The following MRPL37 variants were observed in gnomAD, a reference collection of about 807,000 sequenced individuals.
The protein encoded by MRPL37 is large ribosomal subunit protein mL37.
Under a neutral mutation model 44.1 loss-of-function variants are expected in MRPL37, and 34 were observed. The observed-to-expected ratio is 0.77, with a 90% confidence interval of 0.59 to 1.03. The LOEUF is 1.03. Ranked by LOEUF, MRPL37 falls within the 50% of genes least tolerant of loss-of-function variation. MRPL37 has a pLI of 0.00. For missense variants in MRPL37, 532 were observed against 543.7 expected, an observed-to-expected ratio of 0.98 and a Z score of 0.21; for synonymous variants, 212 against 219.5, an observed-to-expected ratio of 0.97 and a Z score of 0.30.
intron 4 of MRPL37, 33 bp downstream of exon 4, chr1:54,210,164 G>A (rs761539275): frequency 6.3e-7 from 1 of 1,595,970 alleles, no homozygotes; most frequent in South Asian, 1.1e-5. Flanking sequence ...TTTAGGCAGT[G>A]TGGAGGAGAA....
chr1:54,207,382 G>A (rs1644131904), intron 3 of MRPL37: 1 of 152,200 alleles, frequency 6.6e-6, no homozygotes, highest in Admixed American at 6.5e-5. Flanking sequence ...AGAGAACACA[G>A]GTGTTCTAAC....
At chr1:54,214,818 C>T (rs545407011) in intron 5 of MRPL37, among the ~76,000 whole-genome samples, 1 of 152,348 alleles carries the variant, frequency 6.6e-6, no homozygotes, top group South Asian at 2.1e-4. Context: ...GTACTACCTG[C>T]AGTTTTATTG....
intron 1 of MRPL37, among the ~76,000 whole-genome samples, chr1:54,201,728 G>A (rs1267627321): frequency 1.3e-5 from 2 of 152,172 alleles, no homozygotes; most frequent in African/African-American, 2.4e-5. Context: ...CAAAGTATGT[G>A]AGTTGGAGCA....
intron 4 of MRPL37, among the ~76,000 whole-genome samples, chr1:54,211,209 G>A (rs1644162156): frequency 6.6e-6 from 1 of 151,960 alleles, no homozygotes; most frequent in Admixed American, 6.6e-5. Flanking sequence ...GGGTCCTTCC[G>A]GCTGTCCTCC....
intron 3 of MRPL37, among the ~76,000 whole-genome samples, chr1:54,206,045 G>A (rs1043317635): frequency 6.6e-6 from 1 of 151,886 alleles, no homozygotes; most frequent in Non-Finnish European, 1.5e-5. Context: ...TGCACATGCT[G>A]TGCATTCTGT....
Position 54,200,276 on chromosome 1 carries a change from G to A in MRPL37, c.33G>A (p.Ala11=). 6.2e-7 allele frequency: 1 copy of A among 1,601,542 alleles called. No individual in the cohort carries two copies. The highest frequency in any genetic ancestry group is 2.2e-5 in the East Asian group (1 of 44,670). Residue 11 remains alanine, a synonymous_variant, in exon 1 of 7, where the codon GCG becomes GCA. Coordinates refer to ENST00000360840, the MANE Select transcript of MRPL37 (RefSeq NM_016491.4). Reference sequence around the variant, plus strand: ...TGGCGTCCGGGCCCGCAAGGCGGGCGCTAGCTGGCTCCGGGCAGCTCGGCC... The same window carrying A: ...TGGCGTCCGGGCCCGCAAGGCGGGCACTAGCTGGCTCCGGGCAGCTCGGCC... MALASGPARR[A]LAGSGQLGLG... is the part of the protein sequence containing the mutation.
At chr1:54,206,627 C>G (rs1644124791) in intron 3 of MRPL37, among the ~76,000 whole-genome samples, 2 of 152,112 alleles carry the variant, frequency 1.3e-5, no homozygotes, top group Non-Finnish European at 2.9e-5. Context: ...CCAGGCTGGT[C>G]TCGAACTCCT....
At chr1:54,206,111 T>A (rs1015012154) in intron 3 of MRPL37, among the ~76,000 whole-genome samples, 5 of 148,300 alleles carry the variant, frequency 3.4e-5, no homozygotes, top group African/African-American at 1.3e-4. Flanking sequence ...TATTTATTTA[T>A]TTTATTTATT....
chr1:54,225,232 C>T, downstream of MRPL37: 21 of 1,234,368 alleles, frequency 1.7e-5, no homozygotes, highest in Non-Finnish European at 2.1e-5. Context: ...TACCTTCCCT[C>T]CCAACCCACC....
chr1:54,221,626 A>G (rs534153031), downstream of MRPL37, among the ~76,000 whole-genome samples: 21 of 152,284 alleles, frequency 1.4e-4, no homozygotes, highest in East Asian at 3.1e-3. Flanking sequence ...ACATGCGCGC[A>G]CACATGCATA....
chr1:54,221,419 C>A (rs376368319), downstream of MRPL37, among the ~76,000 whole-genome samples: 10 of 152,166 alleles, frequency 6.6e-5, no homozygotes, highest in Non-Finnish European at 1.2e-4. Context: ...ATGTCCATGA[C>A]CCATAAGGCC....
Position 54,205,367 on chromosome 1 carries a change from G to A in MRPL37, c.603G>A (p.Arg201=), listed in dbSNP as rs746940280. 2.5e-6 allele frequency: 4 copies of A among 1,613,958 alleles called. No homozygotes were observed. In the African/African-American group the frequency reaches 4.0e-5, roughly 16 times the overall value. Residue 201 remains arginine, a synonymous_variant, in exon 3 of 7, where the codon AGG becomes AGA. Transcript: ENST00000360840. Reference sequence around the variant, plus strand: ...TCAAGCATCCTTCTCTGGCCAGGAGGATCTGTGTCCAAAACTCCACGTTTT... The same window carrying A: ...TCAAGCATCCTTCTCTGGCCAGGAGAATCTGTGTCCAAAACTCCACGTTTT... ...QILKHPSLAR[R]ICVQNSTFSA...
At chr1:54,220,265 C>G (rs1428481095), downstream of MRPL37, among the ~76,000 whole-genome samples, 2 of 152,036 alleles carry the variant, frequency 1.3e-5, no homozygotes, top group African/African-American at 2.4e-5. Context: ...GCGAGTGGGA[C>G]GGAGGCTCTG....
intron 3 of MRPL37, among the ~76,000 whole-genome samples, chr1:54,206,736 CTT>C (rs1465956955): frequency 1.3e-5 from 2 of 150,928 alleles, no homozygotes; most frequent in Non-Finnish European, 3.0e-5. Context: ...GCTTTCTTTT[CTT>C]TTCTTTTTTT....
intron 3 of MRPL37, 55 bp from the exon 4 acceptor site, chr1:54,209,891 C>G: frequency 6.4e-7 from 1 of 1,567,664 alleles, no homozygotes; most frequent in East Asian, 2.2e-5. Context: ...GCTACTGCGC[C>G]TAGCTGCGAA....
In MRPL37 at chr1:54,205,040, C is replaced by G; in HGVS notation, c.369C>G (p.Leu123=). Reference sequence around the variant, plus strand: ...AAGGTGTAAAGCAGGCCCTCTGGCTCACCAAGACCAAGTTAATAGAAGGCC... The same window carrying G: ...AAGGTGTAAAGCAGGCCCTCTGGCTGACCAAGACCAAGTTAATAGAAGGCC... ...LLEGVKQALW[L]TKTKLIEGLP... is the part of the protein sequence containing the mutation. Residue 123 remains leucine (L), a synonymous_variant, in exon 2 of 7, where the codon CTC becomes CTG. Coordinates refer to ENST00000360840, the MANE Select transcript of MRPL37 (RefSeq NM_016491.4). 1 of 1,614,152 alleles carries G rather than the reference C, an allele frequency of 6.2e-7. No homozygotes were observed. The highest frequency in any genetic ancestry group is 8.5e-7 in the Non-Finnish European group (1 of 1,180,028).
At chr1:54,215,818 T>G (rs897504158) in intron 5 of MRPL37, among the ~76,000 whole-genome samples, 5 of 152,198 alleles carry the variant, frequency 3.3e-5, no homozygotes, top group African/African-American at 9.7e-5. Context: ...TTGAGGGATT[T>G]CTGTCATTAA....
downstream of MRPL37, chr1:54,225,413 C>A: frequency 8.1e-7 from 1 of 1,233,930 alleles, no homozygotes. Flanking sequence ...CCACATTCCC[C>A]AAACATGTCA....
downstream of MRPL37, among the ~76,000 whole-genome samples, chr1:54,218,690 C>T (rs1423401365): frequency 6.6e-6 from 1 of 152,182 alleles, no homozygotes; most frequent in Admixed American, 6.5e-5. Flanking sequence ...CAGAAAATCT[C>T]GCTAGCATAT....
Sources: gnomAD v4.1 joint callset for allele counts (sites outside exome capture counted in the v4.1 genomes callset) on GRCh38, gnomAD v4.1.1 for gene constraint, MANE v1.5 for transcripts, NCBI Gene and HGNC (gene_info 2026-07-23, HGNC 2026-07-21) for gene names.